POU6F2: variants seen among roughly 807,000 people sequenced by gnomAD.
The protein encoded by POU6F2 is POU domain, class 6, transcription factor 2.
Under a neutral mutation model 71.3 loss-of-function variants are expected in POU6F2, and 31 were observed. That is an observed-to-expected ratio of 0.43 (90% CI 0.33 to 0.59). The LOEUF is 0.59. Ranked by LOEUF, POU6F2 falls within the 20% of genes least tolerant of loss-of-function variation. POU6F2 has a pLI of 0.04. For missense variants in POU6F2, 783 were observed against 856.8 expected, an observed-to-expected ratio of 0.91 and a Z score of 1.07; for synonymous variants, 347 against 355.7, an observed-to-expected ratio of 0.98 and a Z score of 0.27.
In POU6F2 at chr7:39,406,622, G is replaced by C; in HGVS notation, c.995G>C (p.Ser332Thr). Residue 332 changes from serine to threonine, a missense_variant, in exon 6 of 10, where the codon AGT (serine) becomes ACT (threonine). Ser to Thr is a moderately conservative substitution (Grantham distance 58). Around this residue, in one of 2 missense-constraint regions of POU6F2, gnomAD observed 572 missense variants for 572.9 expected, o/e 1.00. Transcript: ENST00000518318. ...CAGCTGGTTAATAATCCACTAGCAA[G>C]TCAGGCTGCAGCGGCTGCAGCAGCC... ...PLQLVNNPLA[S>T]QAAAAAAAMS... 1 of 1,613,534 alleles carries C rather than the reference G, an allele frequency of 6.2e-7. No homozygotes were observed. Among genetic ancestry groups the C allele is most frequent in the Non-Finnish European group, 8.5e-7 (1 of 1,179,882 alleles).
chr7:38,988,778 T>A (rs1038586391), intron 1 of POU6F2, among the ~76,000 whole-genome samples: 2 of 152,098 alleles, frequency 1.3e-5, no homozygotes, highest in African/African-American at 4.8e-5. Flanking sequence ...GTGGCAAAGT[T>A]GGAATTGGTC....
chr7:39,460,796 G>A lies in POU6F2; in HGVS notation c.1658+81G>A. On this transcript the variant is annotated intron_variant, in intron 9 of 9. Transcript: ENST00000518318. This position sits in a 1 kb window ranked among gnomAD's most constrained non-coding sequence, Gnocchi z 4.4. Reference sequence around the variant, plus strand: ...CTCGCGGTTCAGCTTTTCTTCGTCGGGTGGGCAAAGCTGGAGGGGCAGAGA... The same window carrying A: ...CTCGCGGTTCAGCTTTTCTTCGTCGAGTGGGCAAAGCTGGAGGGGCAGAGA... 7.1e-7 allele frequency: 1 copy of A among 1,413,460 alleles called. No homozygotes were observed. The highest frequency in any genetic ancestry group is 9.3e-7 in the Non-Finnish European group (1 of 1,073,144). 87.6% of individuals were successfully genotyped at this position (1,413,460 alleles called of 1,614,324 possible). A position where few individuals can be genotyped will look rare whatever the true frequency, so the allele number is the denominator to read the frequency against.
intron 1 of POU6F2, among the ~76,000 whole-genome samples, chr7:39,011,900 G>A (rs946306694): frequency 1.4e-4 from 21 of 151,960 alleles, no homozygotes; most frequent in East Asian, 1.2e-3. Context: ...TCCGCTGTTC[G>A]TCTGATGGGC....
intron 7 of POU6F2, among the ~76,000 whole-genome samples, chr7:39,444,491 C>T (rs143580656): frequency 3.1e-4 from 47 of 152,242 alleles, no homozygotes; most frequent in African/African-American, 9.6e-4. Flanking sequence ...GGCTAAGGCA[C>T]GAGAATCACT....
At chr7:39,357,678 C>T (rs1386708110) in intron 5 of POU6F2, among the ~76,000 whole-genome samples, 1 of 152,176 alleles carries the variant, frequency 6.6e-6, no homozygotes, top group Non-Finnish European at 1.5e-5. Flanking sequence ...CTTGATGCCA[C>T]AAAAGCTAAG....
At chr7:39,415,615 C>G (rs1787656106) in intron 6 of POU6F2, among the ~76,000 whole-genome samples, 1 of 152,206 alleles carries the variant, frequency 6.6e-6, no homozygotes, top group Non-Finnish European at 1.5e-5. Flanking sequence ...AATACTGTAA[C>G]GAATGTTCAC....
At chr7:39,243,185 G>A (rs1191779974) in intron 4 of POU6F2, among the ~76,000 whole-genome samples, 2 of 152,018 alleles carry the variant, frequency 1.3e-5, no homozygotes, top group Admixed American at 1.3e-4. Context: ...ATAATAAAAT[G>A]GCAGTATTCT....
chr7:39,304,138 T>C (rs1009640875), intron 4 of POU6F2, among the ~76,000 whole-genome samples: 2 of 152,150 alleles, frequency 1.3e-5, no homozygotes, highest in Non-Finnish European at 2.9e-5. Context: ...AAGAACTTTA[T>C]ATTAAAAGCC....
chr7:39,296,357 C>A (rs1329233253), intron 4 of POU6F2, among the ~76,000 whole-genome samples: 1 of 152,288 alleles, frequency 6.6e-6, no homozygotes, highest in Middle Eastern at 3.4e-3. Context: ...GAACAAGATA[C>A]AATATCTTAG....
chr7:38,986,619 G>A (rs1403765561), intron 1 of POU6F2, among the ~76,000 whole-genome samples: 2 of 152,094 alleles, frequency 1.3e-5, no homozygotes, highest in Admixed American at 1.3e-4. Context: ...TGATTGAAGT[G>A]AGTTAATTAC....
chr7:39,043,376 G>A (rs1247443722), intron 1 of POU6F2, among the ~76,000 whole-genome samples: 3 of 151,910 alleles, frequency 2.0e-5, no homozygotes, highest in African/African-American at 7.2e-5. Context: ...ATTATTCTCT[G>A]TCTATAAATA....
At chr7:39,337,792 A>C (rs1411705940) in intron 4 of POU6F2, among the ~76,000 whole-genome samples, 1 of 152,150 alleles carries the variant, frequency 6.6e-6, no homozygotes, top group Non-Finnish European at 1.5e-5. Context: ...GCAGATGTCA[A>C]ATTAGTCTAT....
intron 1 of POU6F2, among the ~76,000 whole-genome samples, chr7:39,005,651 G>T (rs118007230): frequency 0.031 from 4,718 of 151,630 alleles, 105 homozygotes; most frequent in Non-Finnish European, 0.045. Context: ...TTTCACTCCT[G>T]AAGTGAGTAA....
intron 3 of POU6F2, among the ~76,000 whole-genome samples, chr7:39,204,810 T>C (rs1254065328): frequency 6.6e-6 from 1 of 152,028 alleles, no homozygotes; most frequent in African/African-American, 2.4e-5. Flanking sequence ...AATAAAGAAA[T>C]ACAATCATTA....
At chr7:39,196,985 C>T (rs188421669) in intron 2 of POU6F2, among the ~76,000 whole-genome samples, 82 of 152,312 alleles carry the variant, frequency 5.4e-4, no homozygotes, top group African/African-American at 1.8e-3. Flanking sequence ...TCACAGAGCC[C>T]GGCAGCCCCC....
chr7:39,142,720 T>C (rs1324509496), intron 2 of POU6F2, among the ~76,000 whole-genome samples: 1 of 152,216 alleles, frequency 6.6e-6, no homozygotes, highest in East Asian at 1.9e-4. Flanking sequence ...TTCCTGCTTA[T>C]TTGAGCTTCT....
At chr7:39,385,888 G>T (rs1369372538) in intron 5 of POU6F2, among the ~76,000 whole-genome samples, 1 of 151,982 alleles carries the variant, frequency 6.6e-6, no homozygotes, top group Non-Finnish European at 1.5e-5. Flanking sequence ...CCAACTTAGG[G>T]CAGATCACAA....
intron 2 of POU6F2, among the ~76,000 whole-genome samples, chr7:39,158,309 G>A (rs1019018074): frequency 3.3e-5 from 5 of 152,216 alleles, no homozygotes; most frequent in South Asian, 4.2e-4. Context: ...GTGTTGAATC[G>A]CAGTCCTCAA....
At chr7:39,067,493 C>T (rs1057390227) in intron 1 of POU6F2, among the ~76,000 whole-genome samples, 2 of 151,696 alleles carry the variant, frequency 1.3e-5, no homozygotes, top group African/African-American at 4.8e-5. Flanking sequence ...ATAACAAATT[C>T]TAGAAAAAAT....
Sources: allele counts gnomAD v4.1 joint callset (sites outside exome capture counted in the v4.1 genomes callset), GRCh38; gene constraint gnomAD v4.1.1; regional missense constraint gnomAD v4.1.1; non-coding constraint Gnocchi (gnomAD v3.1); transcripts MANE v1.5; gene names NCBI Gene and HGNC (gene_info 2026-07-23, HGNC 2026-07-21).